Variants in PTPRD observed in about 807,000 individuals in gnomAD.
The protein encoded by PTPRD is protein tyrosine phosphatase receptor type D.
A neutral mutation model predicts 214.5 loss-of-function variants in PTPRD; 34 were observed. The ratio of observed to expected loss-of-function variants is 0.16; its 90% CI spans 0.12 to 0.21. The LOEUF is 0.21. PTPRD is among the 10% of genes least tolerant of loss of function. PTPRD has a pLI of 1.00. For synonymous variants in PTPRD, 1,128 were observed against 845.7 expected, an observed-to-expected ratio of 1.33 and a Z score of -5.79; for missense variants, 2,545 against 2,398.7, an observed-to-expected ratio of 1.06 and a Z score of -1.27.
At chr9:9,249,824 C>A (rs181392044) in intron 9 of PTPRD, among the ~76,000 whole-genome samples, 2 of 152,178 alleles carry the variant, frequency 1.3e-5, no homozygotes, top group Admixed American at 6.6e-5. Context: ...AAAGACTGAA[C>A]TGGGAGATGA....
intron 12 of PTPRD, among the ~76,000 whole-genome samples, chr9:8,720,823 G>C (rs1462119680): frequency 6.6e-6 from 1 of 152,090 alleles, no homozygotes; most frequent in Non-Finnish European, 1.5e-5. Context: ...TCAATGAGGG[G>C]CATAGTAACT....
intron 9 of PTPRD, among the ~76,000 whole-genome samples, chr9:9,384,783 CTATT>C: frequency 6.6e-6 from 1 of 151,998 alleles, no homozygotes; most frequent in East Asian, 1.9e-4. Flanking sequence ...TCATGCTTCA[CTATT>C]TGTTTTCAGA....
chr9:8,317,016 C>T lies in PTPRD; in HGVS notation c.*858G>A. On this transcript the variant is annotated 3_prime_UTR_variant, in exon 46 of 46. Coordinates refer to ENST00000381196, the MANE Select transcript of PTPRD (RefSeq NM_002839.4). ...GCAGCAACTTTATACTTTGCGCCTC[C>T]CTGTTGATTCCAAAAACAAAACAAA... 1 of 231,532 alleles carries T rather than the reference C, an allele frequency of 4.3e-6. No homozygotes were observed. The highest frequency in any genetic ancestry group is 8.6e-6 in the Non-Finnish European group (1 of 116,786). 14.3% of individuals were successfully genotyped at this position (231,532 alleles called of 1,614,324 possible).
chr9:10,205,700 C>A (rs948757468), intron 3 of PTPRD, among the ~76,000 whole-genome samples: 1 of 152,066 alleles, frequency 6.6e-6, no homozygotes. Context: ...CCACCATGCC[C>A]GGCCTGCTTC....
chr9:8,857,127 T>C (rs929040943), intron 11 of PTPRD, among the ~76,000 whole-genome samples: 1 of 152,140 alleles, frequency 6.6e-6, no homozygotes, highest in Non-Finnish European at 1.5e-5. Flanking sequence ...CCCCCTCCTC[T>C]ATGGCAGCTG....
chr9:10,398,840 T>G (rs1466662476), intron 2 of PTPRD, among the ~76,000 whole-genome samples: 2 of 152,030 alleles, frequency 1.3e-5, no homozygotes, highest in Non-Finnish European at 2.9e-5. Flanking sequence ...ATCCTCATTT[T>G]AGAAGTGAGA....
In PTPRD at chr9:9,727,375, A is replaced by G. The variant is rs138883443; in HGVS notation, c.-287+7158T>C. Among the ~76,000 whole-genome samples, 253 of 152,240 alleles carry G rather than the reference A, an allele frequency of 1.7e-3. 1 individual carries two copies. The highest frequency in any genetic ancestry group is 5.7e-3 in the African/African-American group (236 of 41,552). The stretch of plus-strand genomic sequence containing the variant: ...TGAGGCAGGAGGATCACCTGAGCCT[A>G]GGATGTCAAGGGTGCAATGAGCCAA... On this transcript the variant is annotated intron_variant, in intron 7 of 45. Coordinates refer to ENST00000381196, the MANE Select transcript of PTPRD (RefSeq NM_002839.4).
At chr9:8,681,304 C>T (rs2097544956) in intron 12 of PTPRD, among the ~76,000 whole-genome samples, 1 of 152,004 alleles carries the variant, frequency 6.6e-6, no homozygotes, top group Non-Finnish European at 1.5e-5. Flanking sequence ...TCTTAAAGAA[C>T]ATGCTTACTA....
At chr9:9,265,000 G>C (rs1456153300) in intron 9 of PTPRD, among the ~76,000 whole-genome samples, 7 of 151,562 alleles carry the variant, frequency 4.6e-5, no homozygotes, top group Non-Finnish European at 7.4e-5. Context: ...AGCTAAGGGT[G>C]TTCATCGCAA....
chr9:10,086,890 T>C (rs2098347826), intron 3 of PTPRD, among the ~76,000 whole-genome samples: 1 of 151,816 alleles, frequency 6.6e-6, no homozygotes. Context: ...AACTGATCTA[T>C]ACAATTTAAT....
rs73641220 is a variant in PTPRD at position 9,122,229 on chromosome 9, G to A, written c.-143+61075C>T. ...CTCATCAGATATTATTTCTAGCTTT[G>A]CTGATTAAGAGAAGCAACACTTATT... is the stretch of plus-strand genomic sequence containing the variant. On this transcript the variant is annotated intron_variant, in intron 10 of 45. Transcript: ENST00000381196. Among the ~76,000 whole-genome samples the A allele has an allele frequency of 2.0e-5, 3 of 152,244 alleles. No individual in the cohort carries two copies. In the South Asian group the frequency reaches 6.2e-4, roughly 32 times the overall value.
chr9:9,336,603 T>A (rs558189138), intron 9 of PTPRD, among the ~76,000 whole-genome samples: 1 of 152,246 alleles, frequency 6.6e-6, no homozygotes, highest in South Asian at 2.1e-4. Flanking sequence ...TAATATGTGT[T>A]CTGGGATGAG....
Position 10,096,757 on chromosome 9 carries a change from A to G in PTPRD, c.-544-62967T>C, listed in dbSNP as rs987889958. Among the ~76,000 whole-genome samples, 140 of 151,642 alleles carry G rather than the reference A, an allele frequency of 9.2e-4. 2 individuals are homozygous for G. The highest frequency in any genetic ancestry group is 3.0e-3 in the African/African-American group (126 of 41,434). On this transcript the variant is annotated intron_variant, in intron 3 of 45. Coordinates refer to ENST00000381196, the MANE Select transcript of PTPRD (RefSeq NM_002839.4). ...TCTTTAGTTTAATTAGATCCCATTTATCAATTTTGGCTTTTGTTGCCATTG... is the reference window on the plus strand; with the variant it reads ...TCTTTAGTTTAATTAGATCCCATTTGTCAATTTTGGCTTTTGTTGCCATTG...
Position 10,095,628 on chromosome 9 carries a change from T to C in PTPRD, c.-544-61838A>G, listed in dbSNP as rs564635098. Among the ~76,000 whole-genome samples the C allele has an allele frequency of 9.1e-4, 138 of 151,664 alleles. 1 individual carries two copies. Among genetic ancestry groups the C allele is most frequent in the African/African-American group, 3.2e-3 (133 of 41,476 alleles). ...TGAAGACTGAGATAATATGCATAGA[T>C]TTTATTAACCTAATGCACAAAACAT... On this transcript the variant is annotated intron_variant, in intron 3 of 45. Transcript: ENST00000381196.
At chr9:8,323,853 G>A (rs1830838883) in intron 44 of PTPRD, among the ~76,000 whole-genome samples, 1 of 152,156 alleles carries the variant, frequency 6.6e-6, no homozygotes, top group Non-Finnish European at 1.5e-5. Flanking sequence ...CTCCAATTTT[G>A]AAAGAAGTTC....
At position 8,619,823 on chromosome 9, in the gene PTPRD, C is replaced by T. The variant is rs35702493; in HGVS notation, c.352+13494G>A. ...AAAACAAAAAAAATCAACCCTTACACTTTTCTATGTCACATTACACTCGAT... is the reference window on the plus strand; with the variant it reads ...AAAACAAAAAAAATCAACCCTTACATTTTTCTATGTCACATTACACTCGAT... On this transcript the variant is annotated intron_variant, in intron 14 of 45. Coordinates refer to ENST00000381196, the MANE Select transcript of PTPRD (RefSeq NM_002839.4). Among the ~76,000 whole-genome samples, 802 of 152,154 alleles carry T rather than the reference C, an allele frequency of 5.3e-3. 2 individuals carry two copies. The highest frequency in any genetic ancestry group is 7.8e-3 in the Non-Finnish European group (533 of 67,972).
intron 3 of PTPRD, among the ~76,000 whole-genome samples, chr9:10,262,457 TAAGA>T (rs2093759488): frequency 6.6e-6 from 1 of 152,168 alleles, no homozygotes; most frequent in African/African-American, 2.4e-5. Flanking sequence ...CAAAATCACC[TAAGA>T]AATAGTGAAG....
intron 2 of PTPRD, among the ~76,000 whole-genome samples, chr9:10,543,378 T>C (rs2059535474): frequency 6.6e-6 from 1 of 152,050 alleles, no homozygotes; most frequent in African/African-American, 2.4e-5. Flanking sequence ...TAAGAGTTCT[T>C]TGCAGAGCTG....
rs535739438 is a variant in PTPRD at position 10,090,594 on chromosome 9, C to G, written c.-544-56804G>C. 2.8e-5 allele frequency among the ~76,000 whole-genome samples: 4 copies of G among 143,722 alleles called. No homozygotes were observed. The East Asian group carries it at 8.3e-4, about 30-fold the overall frequency. The allele number at this position is 143,722 out of a possible 152,430, so 94.3% of individuals were successfully genotyped here. On this transcript the variant is annotated intron_variant, in intron 3 of 45. Transcript: ENST00000381196. ...GTATTTTATGGTAAAGGGCAAAATA[C>G]TCACTTGCAGCCCAAAAGATTAAAG...
Sources: allele counts gnomAD v4.1 joint callset (sites outside exome capture counted in the v4.1 genomes callset), GRCh38; gene constraint gnomAD v4.1.1; transcripts MANE v1.5; gene names NCBI Gene and HGNC (gene_info 2026-07-23, HGNC 2026-07-21).